The following OR5K1 variants were observed in gnomAD, a reference collection of about 807,000 sequenced individuals.
OR5K1 encodes olfactory receptor family 5 subfamily K member 1.
In OR5K1, 7 loss-of-function variants were observed where a neutral mutation model predicts 10.4. The ratio of observed to expected loss-of-function variants is 0.67; its 90% CI spans 0.38 to 1.26. The LOEUF (loss-of-function observed/expected upper bound fraction) is 1.26, where lower values mean the gene tolerates loss of function less well. Ranked by LOEUF, OR5K1 falls within the 50% of genes most tolerant of loss-of-function variation. The pLI is 0.02. For synonymous variants in OR5K1, 135 were observed against 128.5 expected (o/e 1.05, Z -0.34); for missense variants, 435 against 366.2 (o/e 1.19, Z -1.53).
intron 1 of OR5K1, among the ~76,000 whole-genome samples, chr3:98,468,730 T>A (rs532005455): frequency 6.6e-6 from 1 of 152,252 alleles, no homozygotes; most frequent in East Asian, 1.9e-4. Flanking sequence ...CTTGGACATT[T>A]GGTTTGCTTC....
At position 98,468,545 on chromosome 3, in the gene OR5K1, T is replaced by C. The variant is rs1358618732; in HGVS notation, c.-11-1021T>C. Among the ~76,000 whole-genome samples, 6 of 152,092 alleles carry C rather than the reference T, an allele frequency of 3.9e-5. No homozygotes were observed. The South Asian group carries it at 6.2e-4, about 16-fold the overall frequency. ...ATTCTGTCTTTATAAATTTGACTAC[T>C]CTAGGTACCTGTAAATGGAATAACA... On this transcript the variant is annotated intron_variant, in intron 1 of 1. Coordinates refer to ENST00000642057, the MANE Select transcript of OR5K1 (RefSeq NM_001004736.4).
In OR5K1 at chr3:98,471,114, G is replaced by A. The variant is rs1457166503; in HGVS notation, c.*611G>A. ...ATTTCCAAATTTAAATTATTACTGA[G>A]TTAAATATTAAACACAGAATGTCAA... On this transcript the variant is annotated 3_prime_UTR_variant, in exon 2 of 2. Transcript: ENST00000642057. The A allele has an allele frequency of 1.3e-5, 2 of 152,044 alleles. No individual in the cohort carries two copies. The highest frequency in any genetic ancestry group is 6.6e-5 in the Admixed American group (1 of 15,220). The allele number at this position is 152,044 out of a possible 1,614,324, so 9.4% of individuals were successfully genotyped here. A position where few individuals can be genotyped will look rare whatever the true frequency, so the allele number is the denominator to read the frequency against.
At chr3:98,469,104 A>T (rs975601528) in intron 1 of OR5K1, among the ~76,000 whole-genome samples, 1 of 152,112 alleles carries the variant, frequency 6.6e-6, no homozygotes, top group Non-Finnish European at 1.5e-5. Flanking sequence ...ATGCAGCCAT[A>T]AGAAAGAATG....
In OR5K1 at chr3:98,470,865, A is replaced by G. The variant is rs1469425608; in HGVS notation, c.*362A>G. 1 of 161,720 alleles carries G rather than the reference A, an allele frequency of 6.2e-6. No homozygotes were observed. Among genetic ancestry groups the G allele is most frequent in the East Asian group, 1.8e-4 (1 of 5,508 alleles). 10.0% of individuals were successfully genotyped at this position (161,720 alleles called of 1,614,324 possible). ...AGGACCATTCCATTAAGCATTGATA[A>G]CCAGATAAGTTATTTTAATAGCTTA... On this transcript the variant is annotated 3_prime_UTR_variant, in exon 2 of 2. Coordinates refer to ENST00000642057, the MANE Select transcript of OR5K1 (RefSeq NM_001004736.4).
intron 1 of OR5K1, among the ~76,000 whole-genome samples, chr3:98,466,395 G>A (rs1434278460): frequency 2.2e-5 from 2 of 91,848 alleles, no homozygotes; most frequent in Non-Finnish European, 4.1e-5. Flanking sequence ...ATGATTTATA[G>A]TCATTTGGGT....
rs1036672527 is a variant in OR5K1 at position 98,470,182 on chromosome 3, C to T, written c.606C>T (p.Phe202=). 1 of 1,613,168 alleles carries T rather than the reference C, an allele frequency of 6.2e-7. No homozygotes were observed. Among genetic ancestry groups the T allele is most frequent in the African/African-American group, 1.3e-5 (1 of 74,834 alleles). The change falls in exon 2 of 2, where the codon TTC becomes TTT. Residue 202 remains phenylalanine, a synonymous_variant. Coordinates refer to ENST00000642057, the MANE Select transcript of OR5K1 (RefSeq NM_001004736.4). ...PYINELVLFI[F]SGSVQVFTIG... ...TCAATGAACTGGTTCTATTCATCTT[C>T]TCAGGTTCAGTTCAAGTCTTTACCA... is the stretch of plus-strand genomic sequence containing the variant.
At chr3:98,464,004 C>G (rs1013775975) in intron 1 of OR5K1, among the ~76,000 whole-genome samples, 1 of 152,104 alleles carries the variant, frequency 6.6e-6, no homozygotes, top group Non-Finnish European at 1.5e-5. Context: ...CCTGTAATCT[C>G]AGCACTTTGG....
chr3:98,469,622 G>A lies in OR5K1; in HGVS notation c.46G>A (p.Gly16Arg). 4 of 1,613,042 alleles carry A rather than the reference G, an allele frequency of 2.5e-6. No individual in the cohort carries two copies. Among genetic ancestry groups the A allele is most frequent in the Non-Finnish European group, 3.4e-6 (4 of 1,179,428 alleles). The change falls in exon 2 of 2, where the codon GGA (glycine) becomes AGA (arginine). Residue 16 changes from glycine (G) to arginine (R), a missense_variant. Physicochemically the swap from Gly to Arg is moderately radical, Grantham distance 125. Coordinates refer to ENST00000642057, the MANE Select transcript of OR5K1 (RefSeq NM_001004736.4). ...HTMKNEFILT[G>R]FTDHPELKTL... ...CATGAAAAATGAGTTTATCCTCACA[G>A]GATTTACAGATCACCCTGAGCTGAA...
Position 98,471,915 on chromosome 3 carries a change from C to T in OR5K1, c.*1412C>T, listed in dbSNP as rs1705452043. On this transcript the variant is annotated 3_prime_UTR_variant, in exon 2 of 2. Transcript: ENST00000642057. The stretch of plus-strand genomic sequence containing the variant: ...CCAAGAAAATCTAACCTAGTTCATT[C>T]CAATTATACTTGGACATGTGAAGAT... 1 of 152,014 alleles carries T rather than the reference C, an allele frequency of 6.6e-6. No individual in the cohort carries two copies. The highest frequency in any genetic ancestry group is 1.5e-5 in the Non-Finnish European group (1 of 67,958). The allele number at this position is 152,014 out of a possible 1,614,324, so 9.4% of individuals were successfully genotyped here.
Position 98,469,777 on chromosome 3 carries a change from T to C in OR5K1, c.201T>C (p.Ala67=). 5 of 1,613,742 alleles carry C rather than the reference T, an allele frequency of 3.1e-6. No individual in the cohort carries two copies. The highest frequency in any genetic ancestry group is 4.2e-6 in the Non-Finnish European group (5 of 1,179,794). The change falls in exon 2 of 2, where the codon GCT becomes GCC. Residue 67 remains alanine (A), a synonymous_variant. Transcript: ENST00000642057. Reference sequence around the variant, plus strand: ...TGTACATCTTTCTGGGAAATCTGGCTCTTGTGGATTCTTGCTGTGCCTGTG... The same window carrying C: ...TGTACATCTTTCTGGGAAATCTGGCCCTTGTGGATTCTTGCTGTGCCTGTG... ...TPMYIFLGNL[A]LVDSCCACAI... is the part of the protein sequence containing the mutation.
Position 98,470,255 on chromosome 3 carries a change from A to G in OR5K1, c.679A>G (p.Lys227Glu), listed in dbSNP as rs1705430237. The stretch of plus-strand genomic sequence containing the variant: ...TCTCTATATTCTTCTTACTATTTTC[A>G]AAATGAAATCCAAAGAGGGAAGGGC... ...SYLYILLTIF[K>E]MKSKEGRAKA... The change falls in exon 2 of 2, where the codon AAA becomes GAA. Residue 227 changes from lysine (K) to glutamate (E), a missense_variant. Transcript: ENST00000642057. 1 of 1,613,324 alleles carries G rather than the reference A, an allele frequency of 6.2e-7. No homozygotes were observed.
At chr3:98,469,412 A>T (rs1473144953) in intron 1 of OR5K1, 154 bp from the exon 2 acceptor site, 6 of 656,872 alleles carry the variant, frequency 9.1e-6, no homozygotes, top group Non-Finnish European at 1.5e-5. Flanking sequence ...TCCTTTATGG[A>T]AATTCATTCT....
intron 1 of OR5K1, 68 bp from the exon 2 acceptor site, chr3:98,469,498 C>T (rs1384092247): frequency 2.1e-6 from 3 of 1,441,280 alleles, no homozygotes; most frequent in African/African-American, 2.9e-5. Context: ...TTCCTTTAAG[C>T]CAAAGAGACC....
chr3:98,466,594 A>G (rs1460097768), intron 1 of OR5K1, among the ~76,000 whole-genome samples: 15 of 92,194 alleles, frequency 1.6e-4, no homozygotes, highest in African/African-American at 8.5e-4. Flanking sequence ...TGCCATTCTA[A>G]CTGGTGTGAG....
Position 98,471,157 on chromosome 3 carries a change from A to G in OR5K1, c.*654A>G, listed in dbSNP as rs1214166250. The G allele has an allele frequency of 1.3e-5, 2 of 152,092 alleles. No individual in the cohort carries two copies. Among genetic ancestry groups the G allele is most frequent in the Admixed American group, 6.6e-5 (1 of 15,234 alleles). The allele number at this position is 152,092 out of a possible 1,614,324, so 9.4% of individuals were successfully genotyped here. On this transcript the variant is annotated 3_prime_UTR_variant, in exon 2 of 2. Coordinates refer to ENST00000642057, the MANE Select transcript of OR5K1 (RefSeq NM_001004736.4). ...AATGTCAATTTTCAAGTCAAGCTACATTAAGAGAGTTTTATCTACTCCCAT... is the reference window on the plus strand; with the variant it reads ...AATGTCAATTTTCAAGTCAAGCTACGTTAAGAGAGTTTTATCTACTCCCAT...
chr3:98,470,350 G>A lies in OR5K1; in HGVS notation c.774G>A (p.Met258Ile). 1 of 1,613,120 alleles carries A rather than the reference G, an allele frequency of 6.2e-7. No homozygotes were observed. The highest frequency in any genetic ancestry group is 8.5e-7 in the Non-Finnish European group (1 of 1,179,532). ...VSLFYGSLFFMYVRPNLLEEG... is the reference protein window; with the variant it reads ...VSLFYGSLFFIYVRPNLLEEG... ...TATTCTATGGATCTCTTTTCTTCAT[G>A]TACGTTAGACCAAATTTGCTTGAAG... Residue 258 changes from methionine to isoleucine, a missense_variant, in exon 2 of 2, where the codon ATG (methionine) becomes ATA (isoleucine). Transcript: ENST00000642057.
Position 98,470,496 on chromosome 3 carries a change from A to G in OR5K1, c.920A>G (p.Lys307Arg). 1.3e-6 allele frequency: 2 copies of G among 1,531,710 alleles called. No homozygotes were observed. The highest frequency in any genetic ancestry group is 1.7e-4 in the Middle Eastern group (1 of 5,790). 94.9% of individuals were successfully genotyped at this position (1,531,710 alleles called of 1,614,324 possible). Residue 307 changes from lysine (K) to arginine (R), a missense_variant, in exon 2 of 2, where the codon AAG (lysine) becomes AGG (arginine). By Grantham distance (26) the Lys-to-Arg change is conservative (BLOSUM62 2). Coordinates refer to ENST00000642057, the MANE Select transcript of OR5K1 (RefSeq NM_001004736.4). ...VISVLRKILM[K>R]K is the part of the protein sequence containing the mutation. Reference sequence around the variant, plus strand: ...AGTGTCTTAAGAAAAATTCTGATGAAGAAATAATCTCAAGAAAGATGGAAA... The same window carrying G: ...AGTGTCTTAAGAAAAATTCTGATGAGGAAATAATCTCAAGAAAGATGGAAA...
Position 98,469,688 on chromosome 3 carries a change from A to G in OR5K1, c.112A>G (p.Thr38Ala). The change falls in exon 2 of 2, where the codon ACC becomes GCC. Residue 38 changes from threonine (T) to alanine (A), a missense_variant. Thr to Ala is a moderately conservative substitution (Grantham distance 58). Transcript: ENST00000642057. ...FVVFFAIYLI[T>A]VVGNISLVAL... The stretch of plus-strand genomic sequence containing the variant: ...GGTGTTCTTTGCCATCTATCTGATC[A>G]CCGTGGTGGGGAATATTAGTTTGGT... 3 of 1,613,702 alleles carry G rather than the reference A, an allele frequency of 1.9e-6. No individual in the cohort carries two copies. Among genetic ancestry groups the G allele is most frequent in the Non-Finnish European group, 2.5e-6 (3 of 1,179,770 alleles).
At chr3:98,469,075 A>T (rs999879990) in intron 1 of OR5K1, among the ~76,000 whole-genome samples, 5 of 152,138 alleles carry the variant, frequency 3.3e-5, no homozygotes, top group African/African-American at 1.2e-4. Flanking sequence ...AATGTGGTAC[A>T]TACACAGCAT....
Sources: allele counts gnomAD v4.1 joint callset (sites outside exome capture counted in the v4.1 genomes callset), GRCh38; gene constraint gnomAD v4.1.1; transcripts MANE v1.5; gene names NCBI Gene and HGNC (gene_info 2026-07-23, HGNC 2026-07-21).